The following SPRYD7 variants were observed in gnomAD, a reference collection of about 807,000 sequenced individuals.
The protein encoded by SPRYD7 is SPRY domain containing 7.
In SPRYD7, 14 loss-of-function variants were observed where a neutral mutation model predicts 23.8. The ratio of observed to expected loss-of-function variants is 0.59; its 90% CI spans 0.39 to 0.92. The LOEUF is 0.92. Among genes scored for constraint, SPRYD7 ranks in the 40% least tolerant of loss-of-function variants. The pLI is 0.00. For synonymous variants in SPRYD7, 75 were observed against 84.9 expected (o/e 0.88, Z 0.64); for missense variants, 194 against 241.7 (o/e 0.80, Z 1.31).
chr13:49,921,604 T>G, intron 3 of SPRYD7, 24 bp from the exon 4 acceptor site: 1 of 1,452,266 alleles, frequency 6.9e-7, no homozygotes, highest in East Asian at 2.3e-5. Flanking sequence ...AACAGAAACG[T>G]TCCATAAAAG....
chr13:49,929,275 A>T (rs910305656), intron 2 of SPRYD7, among the ~76,000 whole-genome samples: 3 of 152,154 alleles, frequency 2.0e-5, no homozygotes, highest in African/African-American at 7.2e-5. Context: ...ATGCCACTGC[A>T]CTCCAGCCTG....
intron 2 of SPRYD7, among the ~76,000 whole-genome samples, chr13:49,930,654 A>G (rs1470427793): frequency 3.3e-5 from 5 of 152,216 alleles, no homozygotes; most frequent in Non-Finnish European, 7.3e-5. Context: ...GCAAGAGTAT[A>G]TGCTGCTTAT....
Position 49,912,783 on chromosome 13 carries a change from C to T in SPRYD7, c.*2280G>A, listed in dbSNP as rs915066605. On this transcript the variant is annotated 3_prime_UTR_variant, in exon 5 of 5. Coordinates refer to ENST00000361840, the MANE Select transcript of SPRYD7 (RefSeq NM_020456.4). The stretch of plus-strand genomic sequence containing the variant: ...ACAAATTAAAATTATGATAGAAAGC[C>T]AGACAAAATGCATAATACATACATA... 1 of 152,078 alleles carries T rather than the reference C, an allele frequency of 6.6e-6. No homozygotes were observed. Among genetic ancestry groups the T allele is most frequent in the African/African-American group, 2.4e-5 (1 of 41,404 alleles). The allele number at this position is 152,078 out of a possible 1,614,324, so 9.4% of individuals were successfully genotyped here. A position where few individuals can be genotyped will look rare whatever the true frequency, so the allele number is the denominator to read the frequency against.
intron 1 of SPRYD7, among the ~76,000 whole-genome samples, chr13:49,935,083 C>G (rs1034123583): frequency 1.3e-5 from 2 of 152,166 alleles, no homozygotes; most frequent in Non-Finnish European, 2.9e-5. Flanking sequence ...TACACACATA[C>G]AAGGTGATTA....
intron 1 of SPRYD7, among the ~76,000 whole-genome samples, chr13:49,932,828 ACTGAGATC>A (rs1871443269): frequency 6.6e-6 from 1 of 152,192 alleles, no homozygotes; most frequent in South Asian, 2.1e-4. Context: ...ACAAGGCAAA[ACTGAGATC>A]CTATTGTATG....
chr13:49,916,435 T>G (rs1955752081), intron 4 of SPRYD7, among the ~76,000 whole-genome samples: 2 of 151,766 alleles, frequency 1.3e-5, no homozygotes, highest in Non-Finnish European at 2.9e-5. Flanking sequence ...TGGTTTCAAT[T>G]AGTGGTGTAA....
chr13:49,917,777 T>C (rs1955769020), intron 4 of SPRYD7, among the ~76,000 whole-genome samples: 2 of 152,224 alleles, frequency 1.3e-5, no homozygotes, highest in Non-Finnish European at 2.9e-5. Flanking sequence ...ATTTCAAATA[T>C]CAAGCTAAAT....
At chr13:49,918,973 C>T (rs1181900816) in intron 4 of SPRYD7, among the ~76,000 whole-genome samples, 1 of 151,758 alleles carries the variant, frequency 6.6e-6, no homozygotes, top group Non-Finnish European at 1.5e-5. Flanking sequence ...GCTTCGGCCT[C>T]CCAAAGTGTT....
chr13:49,930,468 C>CTGAG (rs1332091629), intron 2 of SPRYD7, among the ~76,000 whole-genome samples: 1 of 151,992 alleles, frequency 6.6e-6, no homozygotes, highest in Non-Finnish European at 1.5e-5. Flanking sequence ...GTAATCCCAG[C>CTGAG]TACTCAAGAG....
intron 4 of SPRYD7, among the ~76,000 whole-genome samples, chr13:49,916,822 TG>T (rs1233214311): frequency 6.6e-6 from 1 of 152,088 alleles, no homozygotes; most frequent in East Asian, 1.9e-4. Context: ...GTTCCAGATT[TG>T]GGGAGTTTGG....
In SPRYD7 at chr13:49,936,218, C is replaced by T. The variant is rs573057874; in HGVS notation, c.18G>A (p.Leu6=). 3 of 1,605,744 alleles carry T rather than the reference C, an allele frequency of 1.9e-6. No homozygotes were observed. The African/African-American group carries it at 4.0e-5, about 22-fold the overall frequency. Residue 6 remains leucine, a synonymous_variant, in exon 1 of 5, where the codon TTG becomes TTA. Coordinates refer to ENST00000361840, the MANE Select transcript of SPRYD7 (RefSeq NM_020456.4). ...CGTCTCTGCAGCACCGCAGGCAGCACAACACCGAGGTGGCCATCGCGCAGG... is the reference window on the plus strand; with the variant it reads ...CGTCTCTGCAGCACCGCAGGCAGCATAACACCGAGGTGGCCATCGCGCAGG... MATSV[L]CCLRCCRDGG...
intron 2 of SPRYD7, 136 bp downstream of exon 2, chr13:49,930,882 C>T: frequency 3.7e-6 from 2 of 534,886 alleles, no homozygotes; most frequent in South Asian, 5.3e-5. Context: ...GATCACACAA[C>T]AAGAGGTGGA....
At chr13:49,927,089 T>C (rs1040984118) in intron 3 of SPRYD7, among the ~76,000 whole-genome samples, 5 of 152,220 alleles carry the variant, frequency 3.3e-5, no homozygotes, top group African/African-American at 9.6e-5. Flanking sequence ...GATCAAGCTT[T>C]AGGATTTTGA....
In SPRYD7 at chr13:49,921,580, C is replaced by A; in HGVS notation, c.391G>T (p.Gly131Cys). The change falls in exon 4 of 5, where the codon GGT becomes TGT. Residue 131 changes from glycine (G) to cysteine (C), a missense_variant and splice_region_variant. Transcript: ENST00000361840. ...AATTCGACATGGTCATAAGTAATAC[C>A]CTAGGAAGGAAAAAACAGAAACGTT... ...NSLPQEGDVVGITYDHVELNV... is the reference protein window; with the variant it reads ...NSLPQEGDVVCITYDHVELNV... The A allele has an allele frequency of 6.3e-7, 1 of 1,582,080 alleles. No homozygotes were observed. The highest frequency in any genetic ancestry group is 8.7e-7 in the Non-Finnish European group (1 of 1,151,940).
intron 2 of SPRYD7, among the ~76,000 whole-genome samples, chr13:49,928,790 A>AT (rs1491504791): frequency 4.6e-5 from 7 of 152,174 alleles, no homozygotes; most frequent in Admixed American, 3.3e-4. Flanking sequence ...TCTCAAAAAG[A>AT]TTTTTTAAAA....
rs533126962 is a variant in SPRYD7, at chr13:49,929,943, C to T, written c.223+1075G>A. Reference sequence around the variant, plus strand: ...TAACTGGGACTACAGGTGCCCACCACGATGCCTGGATGATTTTTGTATCTT... The same window carrying T: ...TAACTGGGACTACAGGTGCCCACCATGATGCCTGGATGATTTTTGTATCTT... On this transcript the variant is annotated intron_variant, in intron 2 of 4. Coordinates refer to ENST00000361840, the MANE Select transcript of SPRYD7 (RefSeq NM_020456.4). 7.2e-4 allele frequency among the ~76,000 whole-genome samples: 110 copies of T among 152,172 alleles called. 1 individual carries two copies. Among genetic ancestry groups the T allele is most frequent in the African/African-American group, 1.8e-3 (76 of 41,534 alleles).
intron 4 of SPRYD7, among the ~76,000 whole-genome samples, chr13:49,920,139 T>C (rs774241479): frequency 1.3e-5 from 2 of 152,090 alleles, no homozygotes; most frequent in African/African-American, 2.4e-5. Flanking sequence ...TAGTCCCAGC[T>C]ACTGGGGTGG....
chr13:49,925,121 G>A (rs576764429), intron 3 of SPRYD7, among the ~76,000 whole-genome samples: 208 of 152,102 alleles, frequency 1.4e-3, no homozygotes, highest in Middle Eastern at 3.4e-3. Context: ...GTCTGGGCAC[G>A]GTGGCTCATG....
chr13:49,916,714 C>T (rs184687249), intron 4 of SPRYD7, among the ~76,000 whole-genome samples: 1 of 152,188 alleles, frequency 6.6e-6, no homozygotes, highest in East Asian at 1.9e-4. Flanking sequence ...GGATGCATGC[C>T]CAAAGAAGGG....
Sources: allele counts gnomAD v4.1 joint callset (sites outside exome capture counted in the v4.1 genomes callset), GRCh38; gene constraint gnomAD v4.1.1; transcripts MANE v1.5; gene names NCBI Gene and HGNC (gene_info 2026-07-23, HGNC 2026-07-21).